ZNF385D: variants seen among roughly 807,000 people sequenced by gnomAD.
ZNF385D encodes the protein zinc finger protein 659.
A neutral mutation model predicts 35.8 loss-of-function variants in ZNF385D; 15 were observed. The ratio of observed to expected loss-of-function variants is 0.42; its 90% confidence interval spans 0.28 to 0.64. The LOEUF (loss-of-function observed/expected upper bound fraction) is 0.64, where lower values mean the gene tolerates loss of function less well. Ranked by LOEUF, ZNF385D falls within the 30% of genes least tolerant of loss-of-function variation. ZNF385D has a pLI of 0.23. For synonymous variants in ZNF385D, 212 were observed against 186.8 expected, an observed-to-expected ratio of 1.13 and a Z score of -1.10; for missense variants, 474 against 494.6, an observed-to-expected ratio of 0.96 and a Z score of 0.39.
intron 3 of ZNF385D, among the ~76,000 whole-genome samples, chr3:21,931,427 C>T (rs1416786195): frequency 6.6e-6 from 1 of 152,138 alleles, no homozygotes; most frequent in African/African-American, 2.4e-5. Context: ...GATGACCCAG[C>T]AGTTACATTC....
At chr3:22,016,166 C>T (rs1696871989) in intron 3 of ZNF385D, among the ~76,000 whole-genome samples, 1 of 152,058 alleles carries the variant, frequency 6.6e-6, no homozygotes, top group South Asian at 2.1e-4. Flanking sequence ...GTTTCCCAAC[C>T]AGCAGTGATT....
At chr3:22,015,906 G>A (rs1352458687) in intron 3 of ZNF385D, among the ~76,000 whole-genome samples, 2 of 151,950 alleles carry the variant, frequency 1.3e-5, no homozygotes, top group African/African-American at 2.4e-5. Context: ...CCACGTTCCT[G>A]AAAAAAAGAC....
chr3:21,977,969 C>T (rs1431635169), intron 3 of ZNF385D, among the ~76,000 whole-genome samples: 1 of 152,160 alleles, frequency 6.6e-6, no homozygotes, highest in South Asian at 2.1e-4. Context: ...TTTTGTTCAG[C>T]AGACCTGGAG....
intron 2 of ZNF385D, among the ~76,000 whole-genome samples, chr3:22,213,742 G>C (rs1030024908): frequency 6.6e-6 from 1 of 152,000 alleles, no homozygotes; most frequent in Non-Finnish European, 1.5e-5. Context: ...CTGTTCCTCA[G>C]TAAGACATAC....
rs77963107 is a variant in ZNF385D at position 21,544,441 on chromosome 3, T to G, written c.276+20133A>C. ...AGGAACAGTAAAATGTGTTTTGTGT[T>G]TTTTTTAGTGAAAGGTTATAAGAAG... On this transcript the variant is annotated intron_variant, in intron 3 of 7. Coordinates refer to ENST00000281523, the MANE Select transcript of ZNF385D (RefSeq NM_024697.3). Among the ~76,000 whole-genome samples the G allele has an allele frequency of 4.9e-3, 748 of 152,240 alleles. 5 individuals carry two copies. The highest frequency in any genetic ancestry group is 0.017 in the African/African-American group (696 of 41,532).
chr3:21,743,588 A>G (rs933793716), intron 1 of ZNF385D, among the ~76,000 whole-genome samples: 1 of 152,236 alleles, frequency 6.6e-6, no homozygotes, highest in South Asian at 2.1e-4. Flanking sequence ...TTCTTGCTAC[A>G]GCCTCAAATG....
chr3:22,313,958 A>G (rs547986072), intron 2 of ZNF385D, among the ~76,000 whole-genome samples: 9 of 152,244 alleles, frequency 5.9e-5, no homozygotes, highest in African/African-American at 1.9e-4. Context: ...TGCTTTGGGT[A>G]TGAAGCTCTG....
chr3:21,966,651 G>T (rs1454598869), intron 3 of ZNF385D, among the ~76,000 whole-genome samples: 1 of 152,078 alleles, frequency 6.6e-6, no homozygotes, highest in Non-Finnish European at 1.5e-5. Context: ...GTGCAATCTC[G>T]GTTCACTACA....
rs148389121 is a variant in ZNF385D at position 22,267,110 on chromosome 3, T to A, written c.107-98075A>T. Among the ~76,000 whole-genome samples the A allele has an allele frequency of 2.7e-3, 412 of 152,068 alleles. 3 individuals are homozygous for A. Among genetic ancestry groups the A allele is most frequent in the African/African-American group, 9.3e-3 (388 of 41,542 alleles). The stretch of plus-strand genomic sequence containing the variant: ...TTTACCTAATCAATTGCTTACGTCA[T>A]GAACTAAGCTAACTCACTGCTTTCA... On this transcript the variant is annotated intron_variant, in intron 2 of 5. Coordinates refer to the ZNF385D transcript ENST00000494108.
At chr3:21,765,931 A>G (rs928348535) in intron 3 of ZNF385D, among the ~76,000 whole-genome samples, 1 of 152,054 alleles carries the variant, frequency 6.6e-6, no homozygotes, top group Non-Finnish European at 1.5e-5. Context: ...TACACCTTTA[A>G]TTAATTGGAA....
chr3:21,575,366 T>C (rs1048158064), intron 2 of ZNF385D, among the ~76,000 whole-genome samples: 3 of 152,180 alleles, frequency 2.0e-5, no homozygotes, highest in Admixed American at 2.0e-4. Flanking sequence ...CACAAGTTCA[T>C]TTAACAAATA....
At chr3:22,093,670 T>C (rs936460681) in intron 3 of ZNF385D, among the ~76,000 whole-genome samples, 1 of 152,112 alleles carries the variant, frequency 6.6e-6, no homozygotes, top group Non-Finnish European at 1.5e-5. Flanking sequence ...CTCACCCTTT[T>C]TCCTAATTTT....
At chr3:22,320,228 T>C (rs1044147605) in intron 2 of ZNF385D, among the ~76,000 whole-genome samples, 5 of 152,086 alleles carry the variant, frequency 3.3e-5, no homozygotes, top group Non-Finnish European at 5.9e-5. Flanking sequence ...TAAAGGTCAT[T>C]GAGGTTTATC....
chr3:21,938,997 C>A (rs765964364), intron 3 of ZNF385D, among the ~76,000 whole-genome samples: 1 of 152,182 alleles, frequency 6.6e-6, no homozygotes, highest in Non-Finnish European at 1.5e-5. Context: ...TTCCTGGTAT[C>A]TGGAATTTGG....
intron 3 of ZNF385D, among the ~76,000 whole-genome samples, chr3:21,831,553 A>G (rs2125764324): frequency 6.6e-6 from 1 of 152,238 alleles, no homozygotes; most frequent in African/African-American, 2.4e-5. Context: ...GGTTATCCAT[A>G]CCACTTAGCT....
At chr3:22,191,407 A>C (rs1422869660) in intron 2 of ZNF385D, among the ~76,000 whole-genome samples, 1 of 151,882 alleles carries the variant, frequency 6.6e-6, no homozygotes, top group Non-Finnish European at 1.5e-5. Flanking sequence ...GAATTGTTTG[A>C]ACCTGGGAGG....
intron 3 of ZNF385D, among the ~76,000 whole-genome samples, chr3:22,048,137 T>C (rs1039958050): frequency 2.6e-5 from 4 of 152,288 alleles, no homozygotes; most frequent in African/African-American, 4.8e-5. Flanking sequence ...TTTTGGATAA[T>C]AGTGCCTTAC....
chr3:21,464,441 C>CTTCCTT, intron 4 of ZNF385D, among the ~76,000 whole-genome samples: 1 of 152,222 alleles, frequency 6.6e-6, no homozygotes, highest in East Asian at 1.9e-4. Context: ...TTTTGTCTGT[C>CTTCCTT]TTCCTTTTTT....
intron 3 of ZNF385D, among the ~76,000 whole-genome samples, chr3:22,074,117 G>C (rs1215967478): frequency 6.6e-6 from 1 of 151,470 alleles, no homozygotes; most frequent in African/African-American, 2.4e-5. Context: ...TTCTTTTTCT[G>C]TGTACCTGTA....
Sources: gnomAD v4.1 joint callset for allele counts (sites outside exome capture counted in the v4.1 genomes callset) on GRCh38, gnomAD v4.1.1 for gene constraint, MANE v1.5 for transcripts, NCBI Gene and HGNC (gene_info 2026-07-23, HGNC 2026-07-21) for gene names.